Variants in SH2D4A observed in about 807,000 individuals in gnomAD.
SH2D4A encodes SH2 domain-containing protein 4A.
Under a neutral mutation model 64.7 loss-of-function variants are expected in SH2D4A, and 70 were observed. The ratio of observed to expected loss-of-function variants is 1.08; its 90% CI spans 0.89 to 1.32. SH2D4A has a LOEUF of 1.32. Ranked by LOEUF, SH2D4A falls within the 40% of genes most tolerant of loss-of-function variation. The pLI, the probability that SH2D4A is intolerant of heterozygous loss-of-function variation, is 0.00. For missense variants in SH2D4A, 706 were observed against 540.1 expected (o/e 1.31, Z -3.04); for synonymous variants, 268 against 200.7 (o/e 1.34, Z -2.83).
rs1351388796 is a variant in SH2D4A at position 19,360,105 on chromosome 8, G to A, written c.595-1098G>A. ...GATTTGGTTTGTTCATTTCTCTTTC[G>A]TTTAAAATGATTTCCGTTGAATGCT... is the stretch of plus-strand genomic sequence containing the variant. On this transcript the variant is annotated intron_variant, in intron 5 of 9. Transcript: ENST00000265807. 8.6e-5 allele frequency among the ~76,000 whole-genome samples: 13 copies of A among 152,026 alleles called. No homozygotes were observed. The East Asian group carries it at 1.3e-3, about 16-fold the overall frequency.
At chr8:19,366,444 C>G (rs2052995832) in intron 7 of SH2D4A, among the ~76,000 whole-genome samples, 2 of 152,202 alleles carry the variant, frequency 1.3e-5, no homozygotes, top group African/African-American at 4.8e-5. Flanking sequence ...CCAACCTCTC[C>G]CTATTTACCA....
Position 19,394,665 on chromosome 8 carries a change from A to G in SH2D4A, c.*23A>G. The G allele has an allele frequency of 1.5e-5, 23 of 1,574,668 alleles. No individual in the cohort carries two copies. Among genetic ancestry groups the G allele is most frequent in the Admixed American group, 7.1e-5 (4 of 56,256 alleles). Reference sequence around the variant, plus strand: ...TGACAGCCTCCATCAGGGTCATCCTACAGCCTCCAAGCGGGCTTTCCCCTG... The same window carrying G: ...TGACAGCCTCCATCAGGGTCATCCTGCAGCCTCCAAGCGGGCTTTCCCCTG... On this transcript the variant is annotated 3_prime_UTR_variant, in exon 10 of 10. Transcript: ENST00000265807.
At chr8:19,340,179 A>G (rs2052507224) in intron 4 of SH2D4A, among the ~76,000 whole-genome samples, 1 of 151,994 alleles carries the variant, frequency 6.6e-6, no homozygotes, top group Non-Finnish European at 1.5e-5. Context: ...TGGGCTTTGG[A>G]GGAACCAAAG....
chr8:19,385,333 C>T (rs1275497548), intron 8 of SH2D4A, among the ~76,000 whole-genome samples: 2 of 152,006 alleles, frequency 1.3e-5, no homozygotes, highest in African/African-American at 4.8e-5. Flanking sequence ...CCTCTGCCTC[C>T]CAGGTAGTTG....
intron 7 of SH2D4A, among the ~76,000 whole-genome samples, chr8:19,368,698 A>G (rs2053044682): frequency 1.3e-5 from 2 of 151,574 alleles, no homozygotes; most frequent in African/African-American, 4.8e-5. Context: ...ATATACTACA[A>G]TTTCCCTGAA....
At chr8:19,320,933 C>T (rs1469954610) in intron 2 of SH2D4A, among the ~76,000 whole-genome samples, 1 of 152,106 alleles carries the variant, frequency 6.6e-6, no homozygotes, top group Admixed American at 6.6e-5. Context: ...TGGTATATGC[C>T]CAGGTTCACA....
At chr8:19,339,802 C>G (rs2052498897) in intron 4 of SH2D4A, among the ~76,000 whole-genome samples, 1 of 152,160 alleles carries the variant, frequency 6.6e-6, no homozygotes, top group African/African-American at 2.4e-5. Context: ...TGCCCAGCCC[C>G]TATACATTTT....
chr8:19,360,271 G>T (rs1455816614), intron 5 of SH2D4A, among the ~76,000 whole-genome samples: 3 of 150,176 alleles, frequency 2.0e-5, no homozygotes, highest in Non-Finnish European at 4.4e-5. Context: ...CTTCTCAAAA[G>T]ATGCTTTTGA....
chr8:19,332,691 CAAAAAAAAAAA>C (rs58695585), intron 2 of SH2D4A, among the ~76,000 whole-genome samples: 3 of 81,746 alleles, frequency 3.7e-5, no homozygotes, highest in African/African-American at 1.0e-4. Context: ...GTGAGACTGT[CAAAAAAAAAAA>C]AAAAAAAAAA....
chr8:19,351,823 G>A (rs1224559690), intron 4 of SH2D4A, among the ~76,000 whole-genome samples: 4 of 151,832 alleles, frequency 2.6e-5, no homozygotes, highest in Non-Finnish European at 5.9e-5. Context: ...TTGCTCTGTC[G>A]CCCAGGCTGG....
chr8:19,334,047 C>T (rs891311903), intron 3 of SH2D4A, among the ~76,000 whole-genome samples: 5 of 152,118 alleles, frequency 3.3e-5, no homozygotes, highest in Admixed American at 6.5e-5. Context: ...GAAGGTAACT[C>T]GGAGGGAAAC....
intron 9 of SH2D4A, among the ~76,000 whole-genome samples, chr8:19,393,783 C>T (rs2053539670): frequency 6.6e-6 from 1 of 152,088 alleles, no homozygotes; most frequent in East Asian, 1.9e-4. Flanking sequence ...ACGGGAAATG[C>T]TAAAACAAAA....
At chr8:19,331,650 G>C (rs1373789944) in intron 2 of SH2D4A, among the ~76,000 whole-genome samples, 1 of 152,138 alleles carries the variant, frequency 6.6e-6, no homozygotes, top group Non-Finnish European at 1.5e-5. Context: ...GAATCTCTGA[G>C]GCAGCCATAT....
chr8:19,393,049 T>C (rs2053519399), intron 8 of SH2D4A, among the ~76,000 whole-genome samples: 1 of 152,172 alleles, frequency 6.6e-6, no homozygotes, highest in African/African-American at 2.4e-5. Flanking sequence ...CCCAGAAATA[T>C]ATTCTTCTTT....
intron 8 of SH2D4A, among the ~76,000 whole-genome samples, chr8:19,381,170 C>T (rs1205099687): frequency 6.6e-6 from 1 of 152,048 alleles, no homozygotes; most frequent in Admixed American, 6.6e-5. Flanking sequence ...CCATCTCAGC[C>T]TCCTGAGTAG....
chr8:19,342,846 AC>A (rs2052549910), intron 4 of SH2D4A, among the ~76,000 whole-genome samples: 1 of 152,228 alleles, frequency 6.6e-6, no homozygotes, highest in Admixed American at 6.5e-5. Context: ...CCATAAGAAA[AC>A]ATGGAGAAAG....
intron 1 of SH2D4A, chr8:19,314,090 GTCCCC>G (rs1261573325): frequency 8.5e-7 from 1 of 1,180,444 alleles, no homozygotes; most frequent in East Asian, 3.7e-5. Context: ...GTGAGCGGCG[GTCCCC>G]GGGGCCTGGG....
rs1327821114 is a variant in SH2D4A at position 19,333,001 on chromosome 8, CTG to C, written c.229_230del (p.Trp77GlyfsTer11). The C allele has an allele frequency of 1.2e-6, 2 of 1,613,168 alleles. No individual in the cohort carries two copies. The highest frequency in any genetic ancestry group is 1.7e-6 in the Non-Finnish European group (2 of 1,179,702). ...HWKLGADKEV[W>X]VWVMGEHHLD... ...GGAAACTTGGAGCTGATAAGGAAGT[CTG>C]GGTATGGGTGATGGGCGAACACCAT... On this transcript the variant is annotated frameshift_variant, in exon 3 of 10. Transcript: ENST00000265807. LOFTEE classifies it high-confidence loss of function.
At position 19,373,548 on chromosome 8, in the gene SH2D4A, G is replaced by T. The variant is rs761594262; in HGVS notation, c.936G>T (p.Arg312Ser). ...QKPLRNQGVVRTLSSSAQEDI... is the reference protein window; with the variant it reads ...QKPLRNQGVVSTLSSSAQEDI... ...ATAACAGAAATCAGGGAGTGGTGAG[G>T]ACACTGTCCAGCTCTGCCCAAGAGG... is the stretch of plus-strand genomic sequence containing the variant. The change falls in exon 8 of 10, where the codon AGG becomes AGT. Residue 312 changes from arginine (R) to serine (S), a missense_variant. Coordinates refer to ENST00000265807, the MANE Select transcript of SH2D4A (RefSeq NM_022071.4). 6 of 1,608,080 alleles carry T rather than the reference G, an allele frequency of 3.7e-6. No individual in the cohort carries two copies. Among genetic ancestry groups the T allele is most frequent in the Non-Finnish European group, 5.1e-6 (6 of 1,176,832 alleles).
Sources: gnomAD v4.1 joint callset for allele counts (sites outside exome capture counted in the v4.1 genomes callset) on GRCh38, gnomAD v4.1.1 for gene constraint, MANE v1.5 for transcripts, NCBI Gene and HGNC (gene_info 2026-07-23, HGNC 2026-07-21) for gene names.